The following SLC16A12 variants were observed in gnomAD, a reference collection of about 807,000 sequenced individuals.
SLC16A12 encodes solute carrier family 16 member 12.
Under a neutral mutation model 42.4 loss-of-function variants are expected in SLC16A12, and 17 were observed. The observed-to-expected ratio is 0.40, with a 90% CI of 0.27 to 0.60. The LOEUF (loss-of-function observed/expected upper bound fraction) is 0.60, where lower values mean the gene tolerates loss of function less well. SLC16A12 is among the 20% of genes least tolerant of loss of function. SLC16A12 has a pLI of 0.42. For synonymous variants in SLC16A12, 224 were observed against 229.4 expected (o/e 0.98, Z 0.21); for missense variants, 544 against 623.0 (o/e 0.87, Z 1.35).
chr10:89,461,106 CT>C (rs1405603925), intron 3 of SLC16A12, among the ~76,000 whole-genome samples: 2 of 152,096 alleles, frequency 1.3e-5, no homozygotes, highest in Non-Finnish European at 2.9e-5. Context: ...ATGAAAGCAC[CT>C]GTAGAGGAAA....
chr10:89,501,986 GGAAAAC>G (rs1203407386), intron 2 of SLC16A12, among the ~76,000 whole-genome samples: 1 of 152,026 alleles, frequency 6.6e-6, no homozygotes, highest in African/African-American at 2.4e-5. Context: ...TGTCAAAACT[GGAAAAC>G]GAATTGTCTC....
At chr10:89,479,334 A>G (rs565080242) in intron 2 of SLC16A12, among the ~76,000 whole-genome samples, 2 of 150,752 alleles carry the variant, frequency 1.3e-5, no homozygotes, top group Admixed American at 6.6e-5. Context: ...GGATCTGCCT[A>G]TTTGTAGAGA....
At chr10:89,443,969 T>C (rs1411407855) in intron 3 of SLC16A12, 110 bp from the exon 4 acceptor site, 3 of 734,020 alleles carry the variant, frequency 4.1e-6, no homozygotes, top group South Asian at 1.5e-5. Context: ...AGGGTTTTAA[T>C]TGCTAGACCA....
At chr10:89,481,712 A>C (rs1842666954) in intron 2 of SLC16A12, among the ~76,000 whole-genome samples, 1 of 151,424 alleles carries the variant, frequency 6.6e-6, no homozygotes, top group African/African-American at 2.4e-5. Flanking sequence ...TGTAAAACAA[A>C]AAAAAATGTA....
chr10:89,554,018 A>C (rs1056555333), intron 2 of SLC16A12, among the ~76,000 whole-genome samples: 1 of 148,316 alleles, frequency 6.7e-6, no homozygotes, highest in South Asian at 2.1e-4. Context: ...GAAAGAGAGA[A>C]AGAAAGAGAG....
intron 4 of SLC16A12, among the ~76,000 whole-genome samples, chr10:89,442,076 T>C (rs1444314679): frequency 6.6e-6 from 1 of 152,210 alleles, no homozygotes; most frequent in Non-Finnish European, 1.5e-5. Context: ...GAAAAATTCA[T>C]GCTGACATCA....
chr10:89,460,329 T>C (rs182807960), intron 3 of SLC16A12, among the ~76,000 whole-genome samples: 9 of 152,232 alleles, frequency 5.9e-5, no homozygotes, highest in Non-Finnish European at 1.2e-4. Flanking sequence ...AGACTCATAA[T>C]CTAGACTTCT....
chr10:89,527,417 A>G (rs978604285), intron 2 of SLC16A12, among the ~76,000 whole-genome samples: 4 of 152,056 alleles, frequency 2.6e-5, no homozygotes, highest in African/African-American at 9.7e-5. Flanking sequence ...CAGGAGGCAG[A>G]GGTTGCAGCA....
chr10:89,519,166 C>CCACAAAACA (rs1452434294), intron 2 of SLC16A12, among the ~76,000 whole-genome samples: 2 of 151,928 alleles, frequency 1.3e-5, no homozygotes, highest in Non-Finnish European at 2.9e-5. Flanking sequence ...AACACATATC[C>CCACAAAACA]CATATTGATA....
intron 2 of SLC16A12, among the ~76,000 whole-genome samples, chr10:89,525,202 C>G (rs946949510): frequency 1.8e-5 from 2 of 111,320 alleles, no homozygotes; most frequent in African/African-American, 3.6e-5. Flanking sequence ...GCCTGGACGA[C>G]AGAACGAGAC....
chr10:89,536,013 G>T (rs1271294791), upstream of SLC16A12, among the ~76,000 whole-genome samples: 1 of 152,244 alleles, frequency 6.6e-6, no homozygotes, highest in East Asian at 1.9e-4. Context: ...TAAGTACTGT[G>T]GCTTGGCTAG....
At position 89,438,867 on chromosome 10, in the gene SLC16A12, A is replaced by T. The variant is rs376132822; in HGVS notation, c.765T>A (p.Tyr255Ter). The T allele has an allele frequency of 6.2e-7, 1 of 1,614,172 alleles. No individual in the cohort carries two copies. Among genetic ancestry groups the T allele is most frequent in the Non-Finnish European group, 8.5e-7 (1 of 1,180,010 alleles). ...GTGCCCATTCTTTGGTCAAAGATGA[A>T]TAGGGAGACACCCGCTTAATGTCTT... ...QKEDIKRVSP[Y>*]SSLTKEWAQT... Residue 255 changes from tyrosine (Y) to a stop codon, truncating the protein, a stop_gained, in exon 6 of 8, where the codon TAT (tyrosine) becomes TAA (stop). Coordinates refer to ENST00000371790, the MANE Select transcript of SLC16A12 (RefSeq NM_213606.4). LOFTEE classifies it high-confidence loss of function.
chr10:89,493,883 T>TAG (rs1460584984), intron 2 of SLC16A12, among the ~76,000 whole-genome samples: 65 of 152,320 alleles, frequency 4.3e-4, no homozygotes, highest in African/African-American at 1.5e-3. Context: ...ACCAAGGTAA[T>TAG]TTTGTCAAAG....
chr10:89,499,129 A>G (rs1842961632), intron 2 of SLC16A12, among the ~76,000 whole-genome samples: 2 of 152,186 alleles, frequency 1.3e-5, no homozygotes, highest in Admixed American at 1.3e-4. Flanking sequence ...CCAAGAAGAA[A>G]TCCCCGATTT....
intron 2 of SLC16A12, among the ~76,000 whole-genome samples, chr10:89,495,806 C>G (rs1445886917): frequency 6.6e-6 from 1 of 152,108 alleles, no homozygotes; most frequent in South Asian, 2.1e-4. Flanking sequence ...CTGCCTCTGA[C>G]CAGCATCATG....
chr10:89,447,575 A>G (rs557112032), intron 3 of SLC16A12, among the ~76,000 whole-genome samples: 2 of 152,364 alleles, frequency 1.3e-5, no homozygotes, highest in South Asian at 4.1e-4. Context: ...CAAAGACACA[A>G]TGTACCAGAA....
At chr10:89,480,472 A>G (rs928743222) in intron 2 of SLC16A12, among the ~76,000 whole-genome samples, 1 of 152,204 alleles carries the variant, frequency 6.6e-6, no homozygotes, top group African/African-American at 2.4e-5. Context: ...ATTTCTTTCT[A>G]TATAATACCA....
At chr10:89,513,739 ACC>A in intron 2 of SLC16A12, among the ~76,000 whole-genome samples, 1 of 152,220 alleles carries the variant, frequency 6.6e-6, no homozygotes, top group Admixed American at 6.5e-5. Context: ...GACTAGTCAG[ACC>A]AGTGCCCACC....
At chr10:89,527,996 A>G (rs1843483118) in intron 2 of SLC16A12, among the ~76,000 whole-genome samples, 1 of 152,208 alleles carries the variant, frequency 6.6e-6, no homozygotes, top group Non-Finnish European at 1.5e-5. Context: ...GGCAAGGTTT[A>G]AACTCCTATC....
Sources: allele counts gnomAD v4.1 joint callset (sites outside exome capture counted in the v4.1 genomes callset), GRCh38; gene constraint gnomAD v4.1.1; transcripts MANE v1.5; gene names NCBI Gene and HGNC (gene_info 2026-07-23, HGNC 2026-07-21).